SLC35F4: variants seen among roughly 807,000 people sequenced by gnomAD.
The protein encoded by SLC35F4 is chromosome 14 open reading frame 36.
In SLC35F4, 24 loss-of-function variants were observed where a neutral mutation model predicts 44.2. The observed-to-expected ratio is 0.54, with a 90% CI of 0.39 to 0.76. The LOEUF is 0.76. Ranked by LOEUF, SLC35F4 falls within the 30% of genes least tolerant of loss-of-function variation. The pLI is 0.00. For missense variants in SLC35F4, 562 were observed against 586.1 expected (o/e 0.96, Z 0.42); for synonymous variants, 238 against 223.6 (o/e 1.06, Z -0.57).
At position 57,578,325 on chromosome 14, in the gene SLC35F4, G is replaced by GTTTTTTTT. The variant is rs199785589; in HGVS notation, c.807+2881_807+2888dup. On this transcript the variant is annotated intron_variant, in intron 4 of 7. Coordinates refer to ENST00000556826, the MANE Select transcript of SLC35F4 (RefSeq NM_001306087.2). The stretch of plus-strand genomic sequence containing the variant: ...GATGACTGAAAGCATCCCTTTAACT[G>GTTTTTTTT]TTTTTTTTTTTTTTTTTTTTTTTTT... 3.0e-3 allele frequency among the ~76,000 whole-genome samples: 131 copies of GTTTTTTTT among 43,166 alleles called. 47 individuals carry two copies. The highest frequency in any genetic ancestry group is 4.3e-3 in the Non-Finnish European group (94 of 21,764). The allele number at this position is 43,166 out of a possible 152,430, so 28.3% of individuals were successfully genotyped here.
intron 1 of SLC35F4, among the ~76,000 whole-genome samples, chr14:57,817,145 T>C (rs1433623215): frequency 1.3e-5 from 2 of 152,142 alleles, no homozygotes; most frequent in African/African-American, 4.8e-5. Context: ...GAATCACTAG[T>C]TTCTGCATTT....
At chr14:57,977,183 A>AT (rs1248446375) in intron 1 of SLC35F4, among the ~76,000 whole-genome samples, 2 of 151,934 alleles carry the variant, frequency 1.3e-5, no homozygotes, top group African/African-American at 4.8e-5. Flanking sequence ...GCTTAGGGGA[A>AT]TTTTTTTTGG....
chr14:57,717,904 G>A (rs150023656), intron 1 of SLC35F4, among the ~76,000 whole-genome samples: 133 of 152,204 alleles, frequency 8.7e-4, no homozygotes, highest in African/African-American at 2.9e-3. Flanking sequence ...CAATTAAATT[G>A]TTATTGACTA....
chr14:57,621,427 G>T (rs543499030), intron 1 of SLC35F4, among the ~76,000 whole-genome samples: 16 of 152,120 alleles, frequency 1.1e-4, no homozygotes, highest in African/African-American at 3.9e-4. Flanking sequence ...ACACTACAAG[G>T]CTACAGTAAC....
chr14:57,631,849 T>C (rs1476754197), intron 1 of SLC35F4, among the ~76,000 whole-genome samples: 1 of 152,100 alleles, frequency 6.6e-6, no homozygotes, highest in Non-Finnish European at 1.5e-5. Flanking sequence ...CTCAAATCTT[T>C]ATAAAAAGCC....
chr14:57,728,076 C>A (rs1192626447), intron 1 of SLC35F4, among the ~76,000 whole-genome samples: 1 of 152,152 alleles, frequency 6.6e-6, no homozygotes, highest in Non-Finnish European at 1.5e-5. Flanking sequence ...GTATTGGGTG[C>A]ATATATATTT....
At chr14:57,722,390 C>T (rs570797873) in intron 1 of SLC35F4, among the ~76,000 whole-genome samples, 2 of 152,302 alleles carry the variant, frequency 1.3e-5, no homozygotes, top group South Asian at 2.1e-4. Context: ...GGATTAGTCA[C>T]TTTAGACCTA....
intron 1 of SLC35F4, among the ~76,000 whole-genome samples, chr14:57,865,295 C>T (rs1331665041): frequency 2.0e-5 from 3 of 151,922 alleles, no homozygotes; most frequent in African/African-American, 7.2e-5. Context: ...CCCCGAGCCT[C>T]CCCAGCCTGC....
chr14:57,828,358 G>T (rs1485638684), intron 1 of SLC35F4, among the ~76,000 whole-genome samples: 1 of 152,058 alleles, frequency 6.6e-6, no homozygotes, highest in Non-Finnish European at 1.5e-5. Context: ...AGTCAGCATT[G>T]CAAGGAATTC....
At chr14:57,708,608 A>G (rs917749447) in intron 1 of SLC35F4, among the ~76,000 whole-genome samples, 1 of 152,188 alleles carries the variant, frequency 6.6e-6, no homozygotes, top group Non-Finnish European at 1.5e-5. Context: ...GGGAACTTGT[A>G]GGGTACAGCC....
In SLC35F4 at chr14:57,814,639, T is replaced by C. The variant is rs563645820; in HGVS notation, c.103+51084A>G. 2.6e-5 allele frequency among the ~76,000 whole-genome samples: 4 copies of C among 152,328 alleles called. No homozygotes were observed. In the East Asian group the frequency reaches 7.7e-4, roughly 29 times the overall value. On this transcript the variant is annotated intron_variant, in intron 1 of 7. Transcript: ENST00000556826. ...TTTGATGAAATAATAGTTGCTGCCATGACCCAAGAAAGAAAAGTTGCTGCA... is the reference window on the plus strand; with the variant it reads ...TTTGATGAAATAATAGTTGCTGCCACGACCCAAGAAAGAAAAGTTGCTGCA...
intron 1 of SLC35F4, among the ~76,000 whole-genome samples, chr14:57,916,104 C>CAG (rs1473439770): frequency 2.0e-5 from 3 of 152,126 alleles, no homozygotes; most frequent in Non-Finnish European, 4.4e-5. Context: ...AGTCCAAGAG[C>CAG]AGAGTACCAG....
intron 1 of SLC35F4, among the ~76,000 whole-genome samples, chr14:57,853,218 TATACTC>T (rs1423249135): frequency 6.6e-6 from 1 of 152,182 alleles, no homozygotes; most frequent in African/African-American, 2.4e-5. Context: ...CTCAAGGACT[TATACTC>T]TAAATAGACA....
At chr14:57,721,899 A>C (rs1391012637) in intron 1 of SLC35F4, among the ~76,000 whole-genome samples, 1 of 152,016 alleles carries the variant, frequency 6.6e-6, no homozygotes, top group Admixed American at 6.6e-5. Context: ...GCCCCCCCTG[A>C]GGCAGTTGCC....
At chr14:57,731,635 T>C (rs2076347562) in intron 1 of SLC35F4, among the ~76,000 whole-genome samples, 1 of 152,224 alleles carries the variant, frequency 6.6e-6, no homozygotes, top group African/African-American at 2.4e-5. Context: ...TAAGTCTTTT[T>C]TGAGCACTGC....
intron 1 of SLC35F4, among the ~76,000 whole-genome samples, chr14:57,828,314 C>A (rs1369180697): frequency 6.6e-6 from 1 of 152,104 alleles, no homozygotes; most frequent in Non-Finnish European, 1.5e-5. Context: ...TCTCTCAGGA[C>A]TGAAACCACC....
intron 1 of SLC35F4, among the ~76,000 whole-genome samples, chr14:57,823,899 G>A (rs1022218091): frequency 1.3e-4 from 20 of 151,906 alleles, no homozygotes; most frequent in Non-Finnish European, 2.6e-4. Context: ...GATGAATAAT[G>A]CATTAAACAT....
intron 1 of SLC35F4, among the ~76,000 whole-genome samples, chr14:57,723,611 G>A (rs1313441901): frequency 6.6e-6 from 1 of 152,254 alleles, no homozygotes; most frequent in Non-Finnish European, 1.5e-5. Flanking sequence ...TACCTGGTAT[G>A]CAGCCATTGA....
At chr14:57,853,395 T>A (rs1886764989) in intron 1 of SLC35F4, among the ~76,000 whole-genome samples, 1 of 152,158 alleles carries the variant, frequency 6.6e-6, no homozygotes, top group South Asian at 2.1e-4. Context: ...GTGAACCAAA[T>A]AGCTATTAAG....
Sources: gnomAD v4.1 joint callset for allele counts (sites outside exome capture counted in the v4.1 genomes callset) on GRCh38, gnomAD v4.1.1 for gene constraint, MANE v1.5 for transcripts, NCBI Gene and HGNC (gene_info 2026-07-23, HGNC 2026-07-21) for gene names.